The following CEP78 variants were observed in gnomAD, a reference collection of about 807,000 sequenced individuals.
CEP78 encodes centrosomal protein 78.
CEP78 carries 76 observed loss-of-function variants against 81.2 expected under a neutral mutation model. That is an observed-to-expected ratio of 0.94 (90% CI 0.78 to 1.13). The LOEUF (loss-of-function observed/expected upper bound fraction) is 1.13. CEP78 is among the 50% of genes most tolerant of loss of function. The pLI is 0.00. For synonymous variants in CEP78, 293 were observed against 301.4 expected (o/e 0.97, Z 0.29); for missense variants, 918 against 846.8 (o/e 1.08, Z -1.04).
At chr9:78,267,083 T>C in intron 16 of CEP78, 1 of 1,054,738 alleles carries the variant, frequency 9.5e-7, no homozygotes, top group Non-Finnish European at 1.3e-6. Context: ...GCATATGGTG[T>C]CTTAAAATAT....
At chr9:78,240,491 CAGTCTCA>C (rs1234867606) in intron 3 of CEP78, 127 bp downstream of exon 3, 1 of 780,362 alleles carries the variant, frequency 1.3e-6, no homozygotes, top group Non-Finnish European at 2.2e-6. Context: ...AACCTTGGTC[CAGTCTCA>C]AGTCTACCAT....
intron 11 of CEP78, among the ~76,000 whole-genome samples, chr9:78,259,045 A>G (rs1429415188): frequency 1.3e-5 from 2 of 152,238 alleles, no homozygotes; most frequent in African/African-American, 4.8e-5. Flanking sequence ...GTCCACGTGC[A>G]TTATTTGTAA....
At position 78,265,391 on chromosome 9, in the gene CEP78, A is replaced by G; in HGVS notation, c.1645A>G (p.Met549Val). The change falls in exon 14 of 17, where the codon ATG (methionine) becomes GTG (valine). Residue 549 changes from methionine (M) to valine (V), a missense_variant. Transcript: ENST00000643273. ...KDAGLGQLAT[M>V]AGIDQSDFQL... ...GACCAGGCTTGGGCAGCTTGCCACAATGGCTGGGATAGATCAGTCAGATTT... is the reference window on the plus strand; with the variant it reads ...GACCAGGCTTGGGCAGCTTGCCACAGTGGCTGGGATAGATCAGTCAGATTT... 1 of 1,600,030 alleles carries G rather than the reference A, an allele frequency of 6.2e-7. No individual in the cohort carries two copies. Among genetic ancestry groups the G allele is most frequent in the Non-Finnish European group, 8.5e-7 (1 of 1,175,104 alleles).
chr9:78,236,722 C>G (rs1217300717), intron 1 of CEP78, 119 bp downstream of exon 1: 16 of 1,338,418 alleles, frequency 1.2e-5, no homozygotes, highest in South Asian at 7.9e-5. Flanking sequence ...TGGACACTCA[C>G]GAGCTAGGTG....
At chr9:78,257,725 A>G (rs1827103426) in intron 11 of CEP78, among the ~76,000 whole-genome samples, 2 of 152,206 alleles carry the variant, frequency 1.3e-5, no homozygotes, top group African/African-American at 4.8e-5. Context: ...GATGTACAAA[A>G]GGGAAAAAAA....
At chr9:78,251,058 T>G (rs569201185) in intron 8 of CEP78, among the ~76,000 whole-genome samples, 18 of 152,344 alleles carry the variant, frequency 1.2e-4, no homozygotes, top group African/African-American at 3.6e-4. Context: ...GTTATATTAT[T>G]TGTTCTCAGT....
chr9:78,268,832 AT>A (rs2118514914), intron 16 of CEP78, among the ~76,000 whole-genome samples: 1 of 151,156 alleles, frequency 6.6e-6, no homozygotes, highest in South Asian at 2.1e-4. Context: ...AATTTTTTGT[AT>A]TTTTCGTAGA....
At chr9:78,240,480 A>G in intron 3 of CEP78, 116 bp downstream of exon 3, 1 of 864,730 alleles carries the variant, frequency 1.2e-6, no homozygotes, top group Non-Finnish European at 1.9e-6. Context: ...ATGCTTGTTC[A>G]AACCTTGGTC....
At chr9:78,254,716 GTAGTGATAGACATTTA>G in intron 10 of CEP78, 104 bp from the exon 11 acceptor site, 1 of 643,008 alleles carries the variant, frequency 1.6e-6, no homozygotes, top group East Asian at 3.0e-5. Flanking sequence ...AGACTAAGGA[GTAGTGATAGACATTTA>G]TAGAGAATGA....
rs1022480778 is a variant in CEP78, at chr9:78,273,137, A to G, written c.*2286A>G. ...GCTACATAGAAATAAAAAATCCACA[A>G]TATAGCAAGATCAAGTTTTTTACTC... On this transcript the variant is annotated 3_prime_UTR_variant, in exon 17 of 17. Coordinates refer to ENST00000643273, the MANE Select transcript of CEP78 (RefSeq NM_001330691.3). The G allele has an allele frequency of 6.6e-6, 1 of 152,362 alleles. No individual in the cohort carries two copies. Among genetic ancestry groups the G allele is most frequent in the East Asian group, 1.9e-4 (1 of 5,190 alleles). 9.4% of individuals were successfully genotyped at this position (152,362 alleles called of 1,614,324 possible).
rs1827679599 is a variant in CEP78 at position 78,271,104 on chromosome 9, A to G, written c.*253A>G. The G allele has an allele frequency of 2.6e-6, 1 of 386,696 alleles. No individual in the cohort carries two copies. Among genetic ancestry groups the G allele is most frequent in the Non-Finnish European group, 4.6e-6 (1 of 218,214 alleles). 24.0% of individuals were successfully genotyped at this position (386,696 alleles called of 1,614,324 possible). On this transcript the variant is annotated 3_prime_UTR_variant, in exon 17 of 17. Transcript: ENST00000643273. ...GATCGGAGAATAAGGGAATTATCCA[A>G]AATGGCTCCGAAGAGGAACTGAAGT...
intron 1 of CEP78, among the ~76,000 whole-genome samples, chr9:78,238,820 C>G (rs910248194): frequency 6.6e-6 from 1 of 152,092 alleles, no homozygotes; most frequent in African/African-American, 2.4e-5. Flanking sequence ...TTTGGGAGGC[C>G]AGGAGTTTGT....
At chr9:78,237,090 C>T (rs190241272) in intron 1 of CEP78, among the ~76,000 whole-genome samples, 1,595 of 142,916 alleles carry the variant, frequency 0.011, 31 homozygotes, top group African/African-American at 0.038. Flanking sequence ...AAGTGATTCT[C>T]CTGCCTCAAC....
chr9:78,270,701 C>T (rs1827672361), intron 16 of CEP78, 140 bp from the exon 17 acceptor site: 1 of 521,130 alleles, frequency 1.9e-6, no homozygotes, highest in South Asian at 3.0e-5. Context: ...TTTACAGAAT[C>T]TCTAATCTCA....
chr9:78,241,716 A>C lies in CEP78; in HGVS notation c.520A>C (p.Ser174Arg). Residue 174 changes from serine (S) to arginine (R), a missense_variant, in exon 4 of 17, where the codon AGC becomes CGC. By Grantham distance (110) the Ser-to-Arg change is moderately radical. Transcript: ENST00000643273. ...GLEIICQGIK[S>R]SITLKTVNFT... ...TTTAGTTATTTGTCAAGGTATAAAG[A>C]GCTCTATCACTCTTAAGACAGTCAA... The C allele has an allele frequency of 6.3e-7, 1 of 1,594,928 alleles. No homozygotes were observed. Among genetic ancestry groups the C allele is most frequent in the East Asian group, 2.2e-5 (1 of 44,614 alleles).
chr9:78,255,026 T>G, intron 11 of CEP78, 62 bp downstream of exon 11: 1 of 1,440,398 alleles, frequency 6.9e-7, no homozygotes, highest in East Asian at 2.4e-5. Context: ...TAGTTTTTGG[T>G]GAAAGCTTGA....
In CEP78 at chr9:78,274,054, T is replaced by A. The variant is rs993786838; in HGVS notation, c.*3203T>A. On this transcript the variant is annotated 3_prime_UTR_variant, in exon 17 of 17. Coordinates refer to ENST00000643273, the MANE Select transcript of CEP78 (RefSeq NM_001330691.3). ...TCCCACTCCTGGGTATTTAGAGAGA[T>A]GAAAACTTAGTTCACACAAAACCTG... 2.0e-5 allele frequency: 3 copies of A among 152,254 alleles called. No individual in the cohort carries two copies. The highest frequency in any genetic ancestry group is 7.2e-5 in the African/African-American group (3 of 41,434). The allele number at this position is 152,254 out of a possible 1,614,324, so 9.4% of individuals were successfully genotyped here. A position where few individuals can be genotyped will look rare whatever the true frequency, so the allele number is the denominator to read the frequency against.
At chr9:78,259,847 G>A (rs1285005204) in intron 11 of CEP78, among the ~76,000 whole-genome samples, 1 of 152,194 alleles carries the variant, frequency 6.6e-6, no homozygotes. Flanking sequence ...TAATTAGTAA[G>A]CAAAGAAATG....
intron 13 of CEP78, among the ~76,000 whole-genome samples, chr9:78,264,645 TAAAAAA>T (rs34285580): frequency 8.4e-6 from 1 of 119,388 alleles, no homozygotes; most frequent in South Asian, 2.7e-4. Flanking sequence ...GCCCATCTCT[TAAAAAA>T]AAAAAAAAAA....
Sources: allele counts gnomAD v4.1 joint callset (sites outside exome capture counted in the v4.1 genomes callset), GRCh38; gene constraint gnomAD v4.1.1; transcripts MANE v1.5; gene names NCBI Gene and HGNC (gene_info 2026-07-23, HGNC 2026-07-21).